The following PRKCQ variants were observed in gnomAD, a reference collection of about 807,000 sequenced individuals.
PRKCQ encodes protein kinase C theta, also known as protein kinase C theta type.
In PRKCQ, 41 loss-of-function variants were observed where a neutral mutation model predicts 91.2. That is an observed-to-expected ratio of 0.45 (90% CI 0.35 to 0.58). The LOEUF (loss-of-function observed/expected upper bound fraction) is 0.58, where lower values mean the gene tolerates loss of function less well. Ranked by LOEUF, PRKCQ falls within the 20% of genes least tolerant of loss-of-function variation. The probability of loss-of-function intolerance (pLI) is 0.00; values close to 1 mark genes in which losing one functional copy is unlikely to be tolerated. For synonymous variants in PRKCQ, 307 were observed against 316.9 expected (o/e 0.97, Z 0.33); for missense variants, 673 against 896.5 (o/e 0.75, Z 3.18).
intron 3 of PRKCQ, among the ~76,000 whole-genome samples, chr10:6,508,989 T>G (rs532655612): frequency 1.3e-5 from 2 of 152,286 alleles, no homozygotes; most frequent in South Asian, 4.1e-4. Context: ...GAAAAGCAGA[T>G]TCCAATAGAA....
At chr10:6,529,673 T>A (rs1839321731) in intron 1 of PRKCQ, among the ~76,000 whole-genome samples, 1 of 152,116 alleles carries the variant, frequency 6.6e-6, no homozygotes, top group Non-Finnish European at 1.5e-5. Context: ...TGTCATGGAG[T>A]ATAGGCCAGC....
intron 8 of PRKCQ, among the ~76,000 whole-genome samples, chr10:6,489,867 G>A (rs545423448): frequency 1.3e-5 from 2 of 152,042 alleles, no homozygotes; most frequent in Non-Finnish European, 2.9e-5. Flanking sequence ...TAACGCCCAG[G>A]AACCCCTGGG....
At position 6,548,692 on chromosome 10, in the gene PRKCQ, A is replaced by G. The variant is rs36129301; in HGVS notation, c.-10+31519T>C. On this transcript the variant is annotated intron_variant, in intron 1 of 17. Coordinates refer to ENST00000263125, the MANE Select transcript of PRKCQ (RefSeq NM_006257.5). ...GGTGGGAATTGAACAATGAGAACAC[A>G]TGGACATAGGAAGGGGAACATCACA... Among the ~76,000 whole-genome samples the G allele has an allele frequency of 4.3e-3, 565 of 131,566 alleles. 1 individual carries two copies. The highest frequency in any genetic ancestry group is 0.015 in the African/African-American group (533 of 34,502). The allele number at this position is 131,566 out of a possible 152,430, so 86.3% of individuals were successfully genotyped here.
At position 6,428,265 on chromosome 10, in the gene PRKCQ, T is replaced by C; in HGVS notation, c.2063A>G (p.Gln688Arg). The C allele has an allele frequency of 6.2e-7, 1 of 1,614,214 alleles. No individual in the cohort carries two copies. ...ADRALINSMD[Q>R]NMFRNFSFMN... Reference sequence around the variant, plus strand: ...GAAGGAAAAGTTCCTGAACATATTCTGGTCCATGCTGTTGATCAGTGCTCT... The same window carrying C: ...GAAGGAAAAGTTCCTGAACATATTCCGGTCCATGCTGTTGATCAGTGCTCT... The change falls in exon 18 of 18, where the codon CAG (glutamine) becomes CGG (arginine). Residue 688 changes from glutamine (Q) to arginine (R), a missense_variant. Transcript: ENST00000263125.
At chr10:6,490,136 T>C (rs1279906284) in intron 8 of PRKCQ, among the ~76,000 whole-genome samples, 1 of 152,080 alleles carries the variant, frequency 6.6e-6, no homozygotes, top group Non-Finnish European at 1.5e-5. Context: ...GTCAGTGTCC[T>C]TTGGGGCCAG....
At chr10:6,505,439 T>C (rs1487369908) in intron 4 of PRKCQ, among the ~76,000 whole-genome samples, 1 of 152,004 alleles carries the variant, frequency 6.6e-6, no homozygotes, top group Non-Finnish European at 1.5e-5. Context: ...CTTTCTTCCT[T>C]CCTTCTTTCT....
At chr10:6,508,591 T>C (rs1838314341) in intron 3 of PRKCQ, among the ~76,000 whole-genome samples, 1 of 152,238 alleles carries the variant, frequency 6.6e-6, no homozygotes, top group South Asian at 2.1e-4. Context: ...TTCAACAGAT[T>C]AATGAAAAGA....
the PRKCQ span, among the ~76,000 whole-genome samples, chr10:6,403,771 G>T: frequency 1.3e-5 from 2 of 151,878 alleles, no homozygotes; most frequent in East Asian, 1.9e-4. Context: ...ACTGAATTTT[G>T]TATTCCCAGT....
intron 1 of PRKCQ, among the ~76,000 whole-genome samples, chr10:6,573,590 C>T (rs1841119927): frequency 6.6e-6 from 1 of 152,006 alleles, no homozygotes; most frequent in Admixed American, 6.5e-5. Context: ...AATATATTGC[C>T]ATAGTTTGTT....
chr10:6,541,046 C>A (rs1344117468), intron 1 of PRKCQ, among the ~76,000 whole-genome samples: 2 of 152,182 alleles, frequency 1.3e-5, no homozygotes, highest in African/African-American at 4.8e-5. Context: ...TTTCCAGATA[C>A]TATTTGATAA....
chr10:6,423,859 G>A (rs935736923), downstream of PRKCQ, among the ~76,000 whole-genome samples: 3 of 152,166 alleles, frequency 2.0e-5, no homozygotes, highest in African/African-American at 4.8e-5. Context: ...CCTGTAGGAC[G>A]AAGTAATTTC....
chr10:6,413,480 A>G, the PRKCQ span, among the ~76,000 whole-genome samples: 3 of 27,088 alleles, frequency 1.1e-4, no homozygotes, highest in Admixed American at 5.8e-4. Flanking sequence ...TATGTCACAC[A>G]CACACACACA....
the PRKCQ span, among the ~76,000 whole-genome samples, chr10:6,409,776 T>C: frequency 6.6e-6 from 1 of 152,120 alleles, no homozygotes; most frequent in Non-Finnish European, 1.5e-5. Flanking sequence ...AGCATAAATA[T>C]TGATATATTG....
At chr10:6,440,260 C>T (rs1024738738) in intron 16 of PRKCQ, among the ~76,000 whole-genome samples, 5 of 152,204 alleles carry the variant, frequency 3.3e-5, no homozygotes, top group Non-Finnish European at 7.3e-5. Flanking sequence ...GACTAGTACA[C>T]TGCCCAAGAC....
intron 1 of PRKCQ, among the ~76,000 whole-genome samples, chr10:6,569,969 G>A (rs781418480): frequency 2.6e-5 from 4 of 151,998 alleles, no homozygotes; most frequent in Non-Finnish European, 5.9e-5. Flanking sequence ...TGAGGGAAGA[G>A]GATGCTCACA....
chr10:6,538,385 G>T lies in PRKCQ; in HGVS notation c.-9-23241C>A, dbSNP rs78212978. Among the ~76,000 whole-genome samples, 969 of 152,376 alleles carry T rather than the reference G, an allele frequency of 6.4e-3. 8 individuals carry two copies. Among genetic ancestry groups the T allele is most frequent in the African/African-American group, 0.022 (932 of 41,588 alleles). On this transcript the variant is annotated intron_variant, in intron 1 of 17. Coordinates refer to ENST00000263125, the MANE Select transcript of PRKCQ (RefSeq NM_006257.5). The stretch of plus-strand genomic sequence containing the variant: ...CTAGTTTTGTACTGGAGGCATTCCA[G>T]ACAGGAATGACCTCTTAGCAGAGAG...
chr10:6,456,530 G>T, intron 15 of PRKCQ, 144 bp downstream of exon 15: 1 of 1,014,014 alleles, frequency 9.9e-7, no homozygotes, highest in Non-Finnish European at 1.4e-6. Context: ...CCACATGCAT[G>T]GTGGCGTTTA....
At chr10:6,442,417 A>G (rs907002867) in intron 15 of PRKCQ, among the ~76,000 whole-genome samples, 4 of 152,336 alleles carry the variant, frequency 2.6e-5, no homozygotes, top group Non-Finnish European at 2.9e-5. Flanking sequence ...GAAAGCTGGT[A>G]TGTGTCTAAG....
chr10:6,490,554 T>C (rs1837230384), intron 8 of PRKCQ, among the ~76,000 whole-genome samples: 1 of 113,178 alleles, frequency 8.8e-6, no homozygotes. Flanking sequence ...AGCAAGACCA[T>C]ACCTCTAAAA....
Sources: gnomAD v4.1 joint callset for allele counts (sites outside exome capture counted in the v4.1 genomes callset) on GRCh38, gnomAD v4.1.1 for gene constraint, MANE v1.5 for transcripts, NCBI Gene and HGNC (gene_info 2026-07-23, HGNC 2026-07-21) for gene names.